Variants in RARRES1 observed in about 807,000 individuals in gnomAD.
The protein encoded by RARRES1 is retinoic acid receptor responder 1, also known as retinoic acid receptor responder protein 1.
A neutral mutation model predicts 30.6 loss-of-function variants in RARRES1; 34 were observed. That is an observed-to-expected ratio of 1.11 (90% CI 0.84 to 1.48). RARRES1 has a LOEUF of 1.48. Ranked by LOEUF, RARRES1 falls within the 40% of genes most tolerant of loss-of-function variation. The pLI, the probability that RARRES1 is intolerant of heterozygous loss-of-function variation, is 0.00. For missense variants in RARRES1, 373 were observed against 386.5 expected, an observed-to-expected ratio of 0.97 and a Z score of 0.29; for synonymous variants, 153 against 155.5, an observed-to-expected ratio of 0.98 and a Z score of 0.12.
chr3:158,723,771 G>T lies in RARRES1; in HGVS notation c.276+8369C>A, dbSNP rs150203241. On this transcript the variant is annotated intron_variant, in intron 1 of 5. Transcript: ENST00000237696. This position sits in a 1 kb window ranked among gnomAD's most constrained non-coding sequence, Gnocchi z 4.4. The stretch of plus-strand genomic sequence containing the variant: ...TGGGGATAATCAGAAAAGGCTGGTT[G>T]AGAGCAGGACATGAGGCTTCAGGTC... Among the ~76,000 whole-genome samples the T allele has an allele frequency of 6.6e-6, 1 of 152,326 alleles. No individual in the cohort carries two copies. Among genetic ancestry groups the T allele is most frequent in the East Asian group, 1.9e-4 (1 of 5,182 alleles).
Position 158,710,858 on chromosome 3 carries a change from GTCTGGGTT to G in RARRES1, c.407_414del (p.Lys136ThrfsTer41). On this transcript the variant is annotated frameshift_variant, in exon 3 of 6. Coordinates refer to ENST00000237696, the MANE Select transcript of RARRES1 (RefSeq NM_206963.2). LOFTEE classifies it high-confidence loss of function. ...CGTGTACAAGTTACATTGATGGTTG[GTCTGGGTT>G]TCTGATTCTTGAAAAACACTCGAGC... 2 of 1,613,662 alleles carry G rather than the reference GTCTGGGTT, an allele frequency of 1.2e-6. No homozygotes were observed. The highest frequency in any genetic ancestry group is 1.7e-6 in the Non-Finnish European group (2 of 1,179,700).
Position 158,697,983 on chromosome 3 carries a change from A to G in RARRES1, c.673-13T>C. The G allele has an allele frequency of 4.7e-6, 7 of 1,484,024 alleles. No homozygotes were observed. The highest frequency in any genetic ancestry group is 6.5e-6 in the Non-Finnish European group (7 of 1,070,004). The allele number at this position is 1,484,024 out of a possible 1,614,324, so 91.9% of individuals were successfully genotyped here. On this transcript the variant is annotated splice_polypyrimidine_tract_variant and intron_variant, in intron 4 of 5. Transcript: ENST00000237696. ...CATCATTAGTTTTCTAGAGGGAGAA[A>G]AAAGAGTTAGTGTAATAAATATGGT...
intron 1 of RARRES1, among the ~76,000 whole-genome samples, chr3:158,718,432 T>A (rs1727395313): frequency 6.6e-6 from 1 of 152,178 alleles, no homozygotes; most frequent in Non-Finnish European, 1.5e-5. Flanking sequence ...CTACTCAAAC[T>A]CATTAGTAAT....
At position 158,697,494 on chromosome 3, in the gene RARRES1, G is replaced by T; in HGVS notation, c.*184C>A. On this transcript the variant is annotated 3_prime_UTR_variant, in exon 6 of 6. Coordinates refer to ENST00000237696, the MANE Select transcript of RARRES1 (RefSeq NM_206963.2). Reference sequence around the variant, plus strand: ...AGAGTTCAGTGTGCATGCGCTTCCAGAGTTAAAAGCTAAAGCAGACTGAGA... The same window carrying T: ...AGAGTTCAGTGTGCATGCGCTTCCATAGTTAAAAGCTAAAGCAGACTGAGA... The T allele has an allele frequency of 1.6e-6, 1 of 625,494 alleles. No homozygotes were observed. The highest frequency in any genetic ancestry group is 2.7e-6 in the Non-Finnish European group (1 of 374,280). The allele number at this position is 625,494 out of a possible 1,614,324, so 38.7% of individuals were successfully genotyped here.
chr3:158,726,251 T>G (rs1205519944), intron 1 of RARRES1, among the ~76,000 whole-genome samples: 1 of 152,230 alleles, frequency 6.6e-6, no homozygotes, highest in East Asian at 1.9e-4. Context: ...TCAAAATTAT[T>G]GACATTAATG....
intron 4 of RARRES1, among the ~76,000 whole-genome samples, chr3:158,701,845 G>A (rs1726734063): frequency 1.3e-5 from 2 of 152,026 alleles, no homozygotes; most frequent in South Asian, 4.1e-4. Context: ...ATTTAAATTT[G>A]TATTAGTTTA....
intron 3 of RARRES1, among the ~76,000 whole-genome samples, chr3:158,708,949 G>A (rs889224704): frequency 5.3e-5 from 8 of 152,136 alleles, no homozygotes; most frequent in African/African-American, 1.9e-4. Context: ...GAGCCACCGC[G>A]CCTGGCCCCC....
Position 158,725,099 on chromosome 3 carries a change from C to T in RARRES1, c.276+7041G>A, listed in dbSNP as rs141687597. ...TCGGCCTCCCAAAGTGCTGGGATTA[C>T]AGGTGTGAGCCAACATGCCCGGCGA... On this transcript the variant is annotated intron_variant, in intron 1 of 5. Transcript: ENST00000237696. 5.7e-3 allele frequency among the ~76,000 whole-genome samples: 869 copies of T among 152,276 alleles called. 6 individuals carry two copies. The highest frequency in any genetic ancestry group is 0.02 in the African/African-American group (830 of 41,542).
intron 1 of RARRES1, among the ~76,000 whole-genome samples, chr3:158,717,676 G>A (rs1727366845): frequency 6.6e-6 from 1 of 151,488 alleles, no homozygotes; most frequent in Non-Finnish European, 1.5e-5. Context: ...TAGCTGGAGT[G>A]TGGAGAATGA....
chr3:158,723,895 C>T lies in RARRES1; in HGVS notation c.276+8245G>A, dbSNP rs77128112. Among the ~76,000 whole-genome samples the T allele has an allele frequency of 0.011, 1,688 of 152,316 alleles. 10 individuals are homozygous for T. Among genetic ancestry groups the T allele is most frequent in the Non-Finnish European group, 0.017 (1,144 of 68,032 alleles). On this transcript the variant is annotated intron_variant, in intron 1 of 5. Transcript: ENST00000237696. The surrounding 1 kb of genome is among the most constrained non-coding windows in gnomAD (Gnocchi z 4.4). The stretch of plus-strand genomic sequence containing the variant: ...ATTTCAGCACCCTTCCAGCTACCTT[C>T]ATTTAATTTAACAAATATCTAATAT...
At chr3:158,720,233 G>GGTGTGTGTGTGTGT (rs781535998) in intron 1 of RARRES1, among the ~76,000 whole-genome samples, 9,878 of 138,516 alleles carry the variant, frequency 0.071, 326 homozygotes, top group Middle Eastern at 0.15. Context: ...GCTGGCTGCT[G>GGTGTGTGTGTGTGT]GTGTGTGTGT....
Position 158,713,796 on chromosome 3 carries a change from C to T in RARRES1, c.339+1G>A, listed in dbSNP as rs1454838714. On this transcript the variant is annotated splice_donor_variant, in intron 2 of 5. Coordinates refer to ENST00000237696, the MANE Select transcript of RARRES1 (RefSeq NM_206963.2). LOFTEE classifies it high-confidence loss of function. ...ATACTTTGCCAATTGTGGCAGCTTACCTCTGGGTTGTAGCGCTCTGTGCTG... is the reference window on the plus strand; with the variant it reads ...ATACTTTGCCAATTGTGGCAGCTTATCTCTGGGTTGTAGCGCTCTGTGCTG... 2 of 1,612,118 alleles carry T rather than the reference C, an allele frequency of 1.2e-6. No individual in the cohort carries two copies. Among genetic ancestry groups the T allele is most frequent in the Non-Finnish European group, 1.7e-6 (2 of 1,179,204 alleles).
chr3:158,727,830 G>A (rs1351995723), intron 1 of RARRES1, among the ~76,000 whole-genome samples: 3 of 152,112 alleles, frequency 2.0e-5, no homozygotes, highest in Non-Finnish European at 2.9e-5. Flanking sequence ...CTGTGATTTC[G>A]CCTACAATTA....
intron 1 of RARRES1, among the ~76,000 whole-genome samples, chr3:158,718,367 G>A (rs996875323): frequency 6.6e-6 from 1 of 152,130 alleles, no homozygotes; most frequent in Non-Finnish European, 1.5e-5. Flanking sequence ...CCAATTGCCT[G>A]GTACTGTTCT....
Position 158,697,690 on chromosome 3 carries a change from A to G in RARRES1, c.873T>C (p.Leu291=), listed in dbSNP as rs1726590548. ...TCATTTTTTCTTTTTAGAAATTACT[A>G]AGCTCTGTTGGTACTACAGCTGATC... is the stretch of plus-strand genomic sequence containing the variant. ...EEGSAVVPTE[L]SNF Residue 291 remains leucine (L), a synonymous_variant, in exon 6 of 6, where the codon CTT becomes CTC. Coordinates refer to ENST00000237696, the MANE Select transcript of RARRES1 (RefSeq NM_206963.2). 1.2e-6 allele frequency: 2 copies of G among 1,610,678 alleles called. No individual in the cohort carries two copies. The highest frequency in any genetic ancestry group is 1.7e-6 in the Non-Finnish European group (2 of 1,178,378).
chr3:158,704,971 A>T, intron 3 of RARRES1, 44 bp from the exon 4 acceptor site: 7 of 1,579,914 alleles, frequency 4.4e-6, no homozygotes, highest in Non-Finnish European at 4.3e-6. Flanking sequence ...TGCATTTTTG[A>T]GACAAAATCT....
intron 3 of RARRES1, among the ~76,000 whole-genome samples, chr3:158,709,885 G>C (rs1214318212): frequency 1.3e-5 from 2 of 152,224 alleles, no homozygotes; most frequent in African/African-American, 4.8e-5. Flanking sequence ...TCACTTCAGA[G>C]GGCAGGGCTC....
intron 3 of RARRES1, among the ~76,000 whole-genome samples, chr3:158,707,963 T>C (rs1218384996): frequency 1.3e-5 from 2 of 152,242 alleles, no homozygotes; most frequent in Non-Finnish European, 2.9e-5. Context: ...GGTAATGTCA[T>C]TTTTTCCTGT....
chr3:158,697,520 A>G lies in RARRES1; in HGVS notation c.*158T>C, dbSNP rs1008479354. 1 of 803,612 alleles carries G rather than the reference A, an allele frequency of 1.2e-6. No individual in the cohort carries two copies. The highest frequency in any genetic ancestry group is 1.7e-5 in the African/African-American group (1 of 57,376). 49.8% of individuals were successfully genotyped at this position (803,612 alleles called of 1,614,324 possible). On this transcript the variant is annotated 3_prime_UTR_variant, in exon 6 of 6. Coordinates refer to ENST00000237696, the MANE Select transcript of RARRES1 (RefSeq NM_206963.2). The stretch of plus-strand genomic sequence containing the variant: ...AGTTAAAAGCTAAAGCAGACTGAGA[A>G]ACAAAAAACCAACATCTTTGCATTT...
Sources: gnomAD v4.1 joint callset for allele counts (sites outside exome capture counted in the v4.1 genomes callset) on GRCh38, gnomAD v4.1.1 for gene constraint, Gnocchi (gnomAD v3.1) non-coding constraint, MANE v1.5 for transcripts, NCBI Gene and HGNC (gene_info 2026-07-23, HGNC 2026-07-21) for gene names.